The following SNRPN variants were observed in gnomAD, a reference collection of about 807,000 sequenced individuals.
SNRPN encodes the protein small nuclear ribonucleoprotein polypeptide N, also known as small nuclear ribonucleoprotein-associated protein N.
SNRPN carries 7 observed loss-of-function variants against 25.2 expected under a neutral mutation model. The observed-to-expected ratio is 0.28, with a 90% CI of 0.16 to 0.52. The LOEUF is 0.52. Ranked by LOEUF, SNRPN falls within the 20% of genes least tolerant of loss-of-function variation. SNRPN has a pLI of 0.96. For missense variants in SNRPN, 196 were observed against 322.5 expected, an observed-to-expected ratio of 0.61 and a Z score of 3.00; for synonymous variants, 124 against 110.6, an observed-to-expected ratio of 1.12 and a Z score of -0.76.
At chr15:24,841,123 GC>G in intron 2 of SNRPN, among the ~76,000 whole-genome samples, 1 of 152,234 alleles carries the variant, frequency 6.6e-6, no homozygotes, top group South Asian at 2.1e-4. Flanking sequence ...ACAGGCATGA[GC>G]CCCCACGGCC....
chr15:24,827,866 C>CAA (rs5811361), intron 1 of SNRPN, among the ~76,000 whole-genome samples: 1 of 135,150 alleles, frequency 7.4e-6, no homozygotes, highest in Non-Finnish European at 1.6e-5. Context: ...GACTCCATCT[C>CAA]AAAAAAAAAA....
At position 24,976,291 on chromosome 15, in the gene SNRPN, A is replaced by G; in HGVS notation, c.156-14A>G. 1 of 1,608,130 alleles carries G rather than the reference A, an allele frequency of 6.2e-7. No homozygotes were observed. Among genetic ancestry groups the G allele is most frequent in the South Asian group, 1.1e-5 (1 of 90,858 alleles). ...CTAAAATTTATCTCACTAAAATTTA[A>G]TTCTGATTTGTAGGCCAAAGAATGC... is the stretch of plus-strand genomic sequence containing the variant. On this transcript the variant is annotated splice_polypyrimidine_tract_variant and intron_variant, in intron 5 of 9. Coordinates refer to ENST00000390687, the MANE Select transcript of SNRPN (RefSeq NM_003097.6).
At position 24,825,267 on chromosome 15, in the gene SNRPN, G is replaced by T. The variant is rs532796878; in HGVS notation, c.-687+1417G>T. On this transcript the variant is annotated intron_variant, in intron 1 of 12. Coordinates refer to the SNRPN transcript ENST00000400100. ...TTCTTTTATTGTATTATGACCTCGC[G>T]CCATTGACCTTAAATTTCACTACAA... 1.1e-3 allele frequency among the ~76,000 whole-genome samples: 164 copies of T among 149,090 alleles called. 1 individual carries two copies. The highest frequency in any genetic ancestry group is 1.1e-3 in the Admixed American group (16 of 14,776).
chr15:24,911,084 C>T, intron 2 of SNRPN: 3 of 1,490,436 alleles, frequency 2.0e-6, no homozygotes, highest in African/African-American at 2.8e-5. Context: ...TCCTCTTCTC[C>T]TCTTCTGGAG....
chr15:24,927,385 G>A (rs948486814), intron 3 of SNRPN, among the ~76,000 whole-genome samples: 2 of 149,326 alleles, frequency 1.3e-5, no homozygotes, highest in African/African-American at 4.9e-5. Context: ...ACATCCCAAA[G>A]TGTTTTGATT....
intron 1 of SNRPN, among the ~76,000 whole-genome samples, chr15:24,955,861 G>A (rs964062018): frequency 2.0e-5 from 3 of 151,800 alleles, no homozygotes; most frequent in African/African-American, 7.3e-5. Context: ...GAGGCGGTGG[G>A]CATGGCGGCC....
At position 24,872,887 on chromosome 15, in the gene SNRPN, AAAAAAAAAAT is replaced by A. The variant is rs1232165784; in HGVS notation, c.-578-13627_-578-13618del. On this transcript the variant is annotated intron_variant, in intron 1 of 11. Transcript: ENST00000400097. ...ACTCCGTCTCAAAAAAAAAAAAAAA[AAAAAAAAAAT>A]AGTTTTCCTCATTGAATTGCCTTGG... Among the ~76,000 whole-genome samples, 3 of 87,782 alleles carry A rather than the reference AAAAAAAAAAT, an allele frequency of 3.4e-5. 1 individual carries two copies. Among genetic ancestry groups the A allele is most frequent in the Admixed American group, 1.2e-4 (1 of 8,452 alleles). 57.6% of individuals were successfully genotyped at this position (87,782 alleles called of 152,430 possible).
chr15:24,954,989 A>G lies in SNRPN; in HGVS notation c.-464A>G. The stretch of plus-strand genomic sequence containing the variant: ...GCCGCTGCTGCAGCGAGTCTGGCGC[A>G]GAGTGGAGCGGCCGCCGGAGATGCC... On this transcript the variant is annotated 5_prime_UTR_variant, in exon 1 of 10. Coordinates refer to ENST00000390687, the MANE Select transcript of SNRPN (RefSeq NM_003097.6). 6.2e-7 allele frequency: 1 copy of G among 1,609,006 alleles called. No individual in the cohort carries two copies. The highest frequency in any genetic ancestry group is 2.2e-5 in the East Asian group (1 of 44,782).
chr15:24,977,529 A>G (rs978492640), intron 7 of SNRPN, among the ~76,000 whole-genome samples: 8 of 152,046 alleles, frequency 5.3e-5, no homozygotes, highest in Non-Finnish European at 1.0e-4. Context: ...AATCCCAGCT[A>G]CCAGGCAGGG....
upstream of SNRPN, among the ~76,000 whole-genome samples, chr15:24,854,950 G>A (rs2053247898): frequency 6.6e-6 from 1 of 151,498 alleles, no homozygotes; most frequent in Admixed American, 6.6e-5. Context: ...GTTGCAGCGA[G>A]CCGAGATTGT....
intron 1 of SNRPN, among the ~76,000 whole-genome samples, chr15:24,866,631 T>C (rs548849081): frequency 9.2e-5 from 14 of 152,162 alleles, no homozygotes; most frequent in Non-Finnish European, 1.8e-4. Flanking sequence ...AATAGATCTC[T>C]TGAAATTATT....
intron 1 of SNRPN, among the ~76,000 whole-genome samples, chr15:24,824,042 T>C (rs1358103575): frequency 6.6e-6 from 1 of 152,128 alleles, no homozygotes; most frequent in Admixed American, 6.5e-5. Context: ...CTTTCTTTAG[T>C]AATTAAATGA....
chr15:24,866,339 CAT>C (rs2054568620), intron 1 of SNRPN, among the ~76,000 whole-genome samples: 1 of 152,116 alleles, frequency 6.6e-6, no homozygotes, highest in African/African-American at 2.4e-5. Context: ...AGCTAATTAA[CAT>C]GTGTATTACC....
chr15:24,892,078 C>T (rs1292934023), intron 2 of SNRPN, among the ~76,000 whole-genome samples: 1 of 152,094 alleles, frequency 6.6e-6, no homozygotes, highest in Admixed American at 6.6e-5. Flanking sequence ...CCTGTGAAGC[C>T]CTTTTGAAGG....
chr15:24,823,740 G>T (rs567787688), exon 1 of SNRPN: 2 of 152,294 alleles, frequency 1.3e-5, no homozygotes, highest in African/African-American at 4.8e-5. Context: ...CTCTCTCTGG[G>T]GCTATTTGAG....
chr15:24,910,680 A>C (rs1009481832), intron 2 of SNRPN, among the ~76,000 whole-genome samples: 3 of 152,152 alleles, frequency 2.0e-5, no homozygotes, highest in African/African-American at 7.2e-5. Context: ...TTTTTAGTAG[A>C]GATGGGGTTT....
At chr15:24,857,249 A>G (rs1000913392) in intron 1 of SNRPN, among the ~76,000 whole-genome samples, 1 of 152,192 alleles carries the variant, frequency 6.6e-6, no homozygotes, top group African/African-American at 2.4e-5. Flanking sequence ...GAATGTCGTC[A>G]TGTTGTTTGC....
intron 1 of SNRPN, among the ~76,000 whole-genome samples, chr15:24,878,210 G>C (rs2149352873): frequency 6.6e-6 from 1 of 152,306 alleles, no homozygotes; most frequent in East Asian, 1.9e-4. Flanking sequence ...GAGAGCTCTG[G>C]CGTATTCGCT....
intron 1 of SNRPN, among the ~76,000 whole-genome samples, chr15:24,874,843 G>A (rs1325445942): frequency 2.0e-5 from 3 of 152,184 alleles, no homozygotes; most frequent in East Asian, 1.9e-4. Context: ...TGTGTTGAAG[G>A]TGATTCAGAA....
Sources: allele counts gnomAD v4.1 joint callset (sites outside exome capture counted in the v4.1 genomes callset), GRCh38; gene constraint gnomAD v4.1.1; transcripts MANE v1.5; gene names NCBI Gene and HGNC (gene_info 2026-07-23, HGNC 2026-07-21).